Variants in TOX observed in about 807,000 individuals in gnomAD.
TOX encodes the protein thymocyte selection associated high mobility group box.
TOX carries 11 observed loss-of-function variants against 53.7 expected under a neutral mutation model. That is an observed-to-expected ratio of 0.20 (90% CI 0.13 to 0.34). The LOEUF (loss-of-function observed/expected upper bound fraction) is 0.34. TOX is among the 10% of genes least tolerant of loss of function. TOX has a pLI of 1.00. For synonymous variants in TOX, 225 were observed against 245.3 expected, an observed-to-expected ratio of 0.92 and a Z score of 0.77; for missense variants, 570 against 664.6, an observed-to-expected ratio of 0.86 and a Z score of 1.56.
intron 1 of TOX, among the ~76,000 whole-genome samples, chr8:59,002,158 G>C (rs1813700586): frequency 6.6e-6 from 1 of 150,784 alleles, no homozygotes; most frequent in Non-Finnish European, 1.5e-5. Flanking sequence ...AGTTTTAGTA[G>C]AGACGGGGTT....
intron 1 of TOX, among the ~76,000 whole-genome samples, chr8:59,043,486 C>T (rs1803630713): frequency 1.3e-5 from 2 of 151,840 alleles, no homozygotes; most frequent in Non-Finnish European, 1.5e-5. Flanking sequence ...TATTGAGTAA[C>T]AGACTGACTC....
chr8:58,872,335 C>T (rs1015263017), intron 3 of TOX, among the ~76,000 whole-genome samples: 5 of 152,044 alleles, frequency 3.3e-5, no homozygotes, highest in African/African-American at 1.2e-4. Context: ...ATACAAGTCT[C>T]CAATGCCAAA....
chr8:58,886,844 GTTTATT>G (rs1464903253), intron 3 of TOX, among the ~76,000 whole-genome samples: 2 of 151,482 alleles, frequency 1.3e-5, no homozygotes, highest in Non-Finnish European at 3.0e-5. Flanking sequence ...TTTATTTTAT[GTTTATT>G]TTTATTTTAT....
chr8:58,957,813 T>A (rs891509783), intron 2 of TOX, among the ~76,000 whole-genome samples: 13 of 152,194 alleles, frequency 8.5e-5, no homozygotes, highest in African/African-American at 3.1e-4. Flanking sequence ...AAAAACTATT[T>A]TTTTTTTCCC....
At chr8:58,824,034 A>T (rs1810325360) in intron 6 of TOX, among the ~76,000 whole-genome samples, 1 of 152,182 alleles carries the variant, frequency 6.6e-6, no homozygotes, top group Non-Finnish European at 1.5e-5. Flanking sequence ...AAATGACCTT[A>T]TCAGAGAGAA....
At chr8:58,965,894 GTTTTTTTTTTTTTTTTTTT>G (rs67045037) in intron 1 of TOX, among the ~76,000 whole-genome samples, 2 of 49,616 alleles carry the variant, frequency 4.0e-5, no homozygotes, top group African/African-American at 7.7e-5. Flanking sequence ...ACGAGTCATC[GTTTTTTTTTTTTTTTTTTT>G]TTTTTTTTTT....
intron 1 of TOX, among the ~76,000 whole-genome samples, chr8:58,980,296 A>G (rs576806355): frequency 6.6e-6 from 1 of 152,278 alleles, no homozygotes; most frequent in Non-Finnish European, 1.5e-5. Context: ...GTTCTCTAAC[A>G]CAGTAGCTAC....
chr8:58,939,280 A>T, intron 3 of TOX, 22 bp downstream of exon 3: 1 of 1,613,186 alleles, frequency 6.2e-7, no homozygotes, highest in Non-Finnish European at 8.5e-7. Flanking sequence ...CCCCCACCAC[A>T]AACAGGTAAG....
intron 1 of TOX, among the ~76,000 whole-genome samples, chr8:59,075,155 T>C (rs1199733767): frequency 1.3e-5 from 2 of 152,104 alleles, no homozygotes; most frequent in Non-Finnish European, 2.9e-5. Context: ...AGAACAAAGA[T>C]CCTAATGACA....
At position 58,950,769 on chromosome 8, in the gene TOX, G is replaced by A. The variant is rs182856553; in HGVS notation, c.168+9174C>T. ...AGGGGAAAAGGAAGAGAACTTGGGT[G>A]GGAAAAGAGTCCTGGACTTGGACAA... is the stretch of plus-strand genomic sequence containing the variant. On this transcript the variant is annotated intron_variant, in intron 2 of 8. Transcript: ENST00000361421. Among the ~76,000 whole-genome samples the A allele has an allele frequency of 6.9e-4, 105 of 152,220 alleles. 1 individual carries two copies. The highest frequency in any genetic ancestry group is 1.5e-3 in the Admixed American group (23 of 15,292).
chr8:58,867,858 A>C (rs746875803), intron 3 of TOX, among the ~76,000 whole-genome samples: 15 of 152,216 alleles, frequency 9.9e-5, no homozygotes, highest in Non-Finnish European at 2.1e-4. Context: ...ATTCAGGCAC[A>C]TTGAAGAACC....
Position 58,851,453 on chromosome 8 carries a change from G to C in TOX, c.693+71C>G. On this transcript the variant is annotated intron_variant, in intron 4 of 8. Coordinates refer to ENST00000361421, the MANE Select transcript of TOX (RefSeq NM_014729.3). The surrounding 1 kb of genome is among the most constrained non-coding windows in gnomAD (Gnocchi z 4.4). ...TTTCTCGCATGGATGATATAAACTTGTACCCAGCACAGGTCAAAGAAGGTG... is the reference window on the plus strand; with the variant it reads ...TTTCTCGCATGGATGATATAAACTTCTACCCAGCACAGGTCAAAGAAGGTG... The C allele has an allele frequency of 6.5e-7, 1 of 1,534,794 alleles. No homozygotes were observed. Among genetic ancestry groups the C allele is most frequent in the Non-Finnish European group, 8.9e-7 (1 of 1,124,218 alleles).
intron 1 of TOX, among the ~76,000 whole-genome samples, chr8:59,028,557 A>G (rs1814287455): frequency 6.6e-6 from 1 of 151,614 alleles, no homozygotes; most frequent in African/African-American, 2.4e-5. Context: ...ATAGATAGAT[A>G]CATGCATACA....
intron 1 of TOX, among the ~76,000 whole-genome samples, chr8:58,994,264 G>A (rs1400341429): frequency 6.6e-6 from 1 of 152,066 alleles, no homozygotes; most frequent in African/African-American, 2.4e-5. Flanking sequence ...TTGTGAAGAG[G>A]AAAATATAGA....
intron 3 of TOX, among the ~76,000 whole-genome samples, chr8:58,913,240 C>A (rs1452673490): frequency 6.6e-6 from 1 of 152,152 alleles, no homozygotes; most frequent in Non-Finnish European, 1.5e-5. Context: ...CACTTGAGGC[C>A]AGGAGTTTGG....
At chr8:59,015,016 T>G (rs1204054103) in intron 1 of TOX, among the ~76,000 whole-genome samples, 1 of 152,196 alleles carries the variant, frequency 6.6e-6, no homozygotes, top group African/African-American at 2.4e-5. Flanking sequence ...AGCTTACTGT[T>G]TAACAGTTTC....
chr8:58,823,322 C>T (rs1810312462), intron 6 of TOX, among the ~76,000 whole-genome samples: 1 of 152,210 alleles, frequency 6.6e-6, no homozygotes, highest in South Asian at 2.1e-4. Context: ...CTCACGGGTT[C>T]AAGTGATTCT....
chr8:59,104,584 A>T (rs920822089), intron 1 of TOX, among the ~76,000 whole-genome samples: 4 of 152,148 alleles, frequency 2.6e-5, no homozygotes, highest in Non-Finnish European at 5.9e-5. Flanking sequence ...GGCCAATTTA[A>T]ATGTTGAATT....
chr8:58,852,556 A>G (rs548842649), intron 3 of TOX, among the ~76,000 whole-genome samples: 21 of 152,352 alleles, frequency 1.4e-4, no homozygotes, highest in African/African-American at 5.0e-4. Context: ...CTCTGCAAGG[A>G]TTAGAATTAA....
Sources: gnomAD v4.1 joint callset for allele counts (sites outside exome capture counted in the v4.1 genomes callset) on GRCh38, gnomAD v4.1.1 for gene constraint, Gnocchi (gnomAD v3.1) non-coding constraint, MANE v1.5 for transcripts, NCBI Gene and HGNC (gene_info 2026-07-23, HGNC 2026-07-21) for gene names.